Variants in SPTBN4 observed in about 807,000 individuals in gnomAD.
The protein encoded by SPTBN4 is spectrin beta chain, non-erythrocytic 4.
SPTBN4 carries 96 observed loss-of-function variants against 277.8 expected under a neutral mutation model. That is an observed-to-expected ratio of 0.35 (90% CI 0.29 to 0.41). The LOEUF (loss-of-function observed/expected upper bound fraction) is 0.41, where lower values mean the gene tolerates loss of function less well. Ranked by LOEUF, SPTBN4 falls within the 10% of genes least tolerant of loss-of-function variation. The probability of loss-of-function intolerance (pLI) is 1.00; values close to 1 mark genes in which losing one functional copy is unlikely to be tolerated. For missense variants in SPTBN4, 3,006 were observed against 3,595.7 expected (o/e 0.84, Z 4.19); for synonymous variants, 1,481 against 1,580.3 (o/e 0.94, Z 1.49).
At chr19:40,559,842 G>C (rs1471379054) in intron 26 of SPTBN4, among the ~76,000 whole-genome samples, 2 of 152,328 alleles carry the variant, frequency 1.3e-5, no homozygotes. Context: ...CATCAAAGTG[G>C]AAAGGGGTTT....
chr19:40,571,702 T>G, intron 33 of SPTBN4: 6 of 240,292 alleles, frequency 2.5e-5, no homozygotes, highest in East Asian at 8.0e-5. Context: ...GAAAGCTCCA[T>G]GAGTGGGGAG....
chr19:40,528,866 CCTT>C (rs2080626565), intron 17 of SPTBN4, among the ~76,000 whole-genome samples, 172 bp from the exon 18 acceptor site: 1 of 151,954 alleles, frequency 6.6e-6, no homozygotes, highest in South Asian at 2.1e-4. Context: ...CTCTCTCTGC[CCTT>C]CTTCAGCCCC....
chr19:40,567,748 CG>C lies in SPTBN4; in HGVS notation c.6424del (p.Ala2142ProfsTer302). 1 of 1,546,020 alleles carries C rather than the reference CG, an allele frequency of 6.5e-7. No individual in the cohort carries two copies. The highest frequency in any genetic ancestry group is 8.7e-7 in the Non-Finnish European group (1 of 1,146,644). On this transcript the variant is annotated frameshift_variant, in exon 31 of 36. Coordinates refer to ENST00000598249, the MANE Select transcript of SPTBN4 (RefSeq NM_020971.3). LOFTEE classifies it high-confidence loss of function. The stretch of plus-strand genomic sequence containing the variant: ...TTCTTTGGGGACCCCACGGAACTGG[CG>C]GCCAAGGCGGCGCCCCTGCTGCGGC... ...RKFFGDPTEL[A>X]AKAAPLLRPG...
Position 40,549,428 on chromosome 19 carries a change from G to A in SPTBN4, c.4584+15G>A. On this transcript the variant is annotated intron_variant, in intron 21 of 35. Transcript: ENST00000598249. The stretch of plus-strand genomic sequence containing the variant: ...ACGACGAGCTGGTGAGGCCAGCGCA[G>A]GGGCCTGGGGCGGGGCGGGGCGGGG... 7.2e-7 allele frequency: 1 copy of A among 1,397,218 alleles called. No individual in the cohort carries two copies. Among genetic ancestry groups the A allele is most frequent in the Non-Finnish European group, 9.3e-7 (1 of 1,076,476 alleles). 86.6% of individuals were successfully genotyped at this position (1,397,218 alleles called of 1,614,324 possible).
At position 40,490,315 on chromosome 19, in the gene SPTBN4, A is replaced by G; in HGVS notation, c.495+67A>G. On this transcript the variant is annotated intron_variant, in intron 4 of 35. Transcript: ENST00000598249. This position sits in a 1 kb window ranked among gnomAD's most constrained non-coding sequence, Gnocchi z 4.3. ...CTTAGGAAAGCGTTCCCCACCATTT[A>G]CCCATTCATTCTTTCCTTCCAATAA... 2 of 1,524,870 alleles carry G rather than the reference A, an allele frequency of 1.3e-6. No individual in the cohort carries two copies. Among genetic ancestry groups the G allele is most frequent in the South Asian group, 2.5e-5 (2 of 79,958 alleles). 94.5% of individuals were successfully genotyped at this position (1,524,870 alleles called of 1,614,324 possible).
intron 17 of SPTBN4, among the ~76,000 whole-genome samples, chr19:40,528,091 C>G (rs1309832425): frequency 3.3e-5 from 5 of 149,536 alleles, no homozygotes; most frequent in Admixed American, 3.3e-4. Context: ...TCTAAGGACT[C>G]TCATGGAGAC....
chr19:40,476,876 C>T (rs906938679), intron 2 of SPTBN4, among the ~76,000 whole-genome samples: 9 of 151,578 alleles, frequency 5.9e-5, no homozygotes, highest in Admixed American at 2.0e-4. Flanking sequence ...CATGAGCCAC[C>T]GCGCCCGTCC....
chr19:40,493,836 G>T (rs1171426571), intron 5 of SPTBN4, among the ~76,000 whole-genome samples: 1 of 152,178 alleles, frequency 6.6e-6, no homozygotes, highest in African/African-American at 2.4e-5. Context: ...TCCCCAGCCT[G>T]CTCTCTTCTC....
chr19:40,482,155 T>C (rs1307642547), intron 2 of SPTBN4, among the ~76,000 whole-genome samples: 1 of 151,964 alleles, frequency 6.6e-6, no homozygotes. Flanking sequence ...CAGGCTGGTC[T>C]CGAACTCCTG....
At chr19:40,479,020 C>T (rs947379206) in intron 2 of SPTBN4, among the ~76,000 whole-genome samples, 1 of 152,190 alleles carries the variant, frequency 6.6e-6, no homozygotes, top group East Asian at 1.9e-4. Flanking sequence ...AACCACCTTG[C>T]CACTCAAAGT....
At chr19:40,487,044 T>C (rs557229817) in intron 2 of SPTBN4, among the ~76,000 whole-genome samples, 2,448 of 147,960 alleles carry the variant, frequency 0.017, 75 homozygotes, top group African/African-American at 0.059. Flanking sequence ...TGGACTCTCT[T>C]TTTTTTTTTT....
chr19:40,483,934 T>G (rs1392535960), intron 2 of SPTBN4, among the ~76,000 whole-genome samples: 2 of 152,174 alleles, frequency 1.3e-5, no homozygotes, highest in African/African-American at 4.8e-5. Flanking sequence ...TTTGGCTTTC[T>G]TCAGTGGATT....
At position 40,560,486 on chromosome 19, in the gene SPTBN4, T is replaced by A; in HGVS notation, c.5915+83T>A. 6.2e-7 allele frequency: 1 copy of A among 1,603,282 alleles called. No individual in the cohort carries two copies. Among genetic ancestry groups the A allele is most frequent in the Non-Finnish European group, 8.5e-7 (1 of 1,173,726 alleles). On this transcript the variant is annotated intron_variant, in intron 27 of 35. Transcript: ENST00000598249. The surrounding 1 kb of genome is among the most constrained non-coding windows in gnomAD (Gnocchi z 5.2). ...CCCCAGCCCATTGACAGCCCCCTTC[T>A]CAATGGAATGACAACAGCCAATATC...
rs376365506 is a variant in SPTBN4, at chr19:40,570,702, C to T, written c.7293C>T (p.Leu2431=). The change falls in exon 33 of 36, where the codon CTC becomes CTT. Residue 2431 remains leucine, a synonymous_variant. Coordinates refer to ENST00000598249, the MANE Select transcript of SPTBN4 (RefSeq NM_020971.3). Reference sequence around the variant, plus strand: ...GCTTCCTACTGCGCAAGCGCGAGCTCGACGCTAACCGCAAGTCGTCCAACC... The same window carrying T: ...GCTTCCTACTGCGCAAGCGCGAGCTTGACGCTAACCGCAAGTCGTCCAACC... ...HEGFLLRKRE[L]DANRKSSNRS... is the part of the protein sequence containing the mutation. 48 of 1,608,198 alleles carry T rather than the reference C, an allele frequency of 3.0e-5. No homozygotes were observed. Among genetic ancestry groups the T allele is most frequent in the Non-Finnish European group, 3.7e-5 (44 of 1,178,070 alleles).
chr19:40,536,714 G>A (rs534350773), intron 20 of SPTBN4, among the ~76,000 whole-genome samples: 7 of 152,296 alleles, frequency 4.6e-5, no homozygotes, highest in South Asian at 4.1e-4. Flanking sequence ...TTGGGAGGCC[G>A]AGGCAGGAGG....
chr19:40,568,093 A>C lies in SPTBN4; in HGVS notation c.6767A>C (p.Asp2256Ala). ...RRRPERQESV[D>A]QSEEAARRRR... Reference sequence around the variant, plus strand: ...CGGCCTGAGCGGCAAGAGTCAGTCGATCAATCCGAGGAGGCTGCGCGGAGG... The same window carrying C: ...CGGCCTGAGCGGCAAGAGTCAGTCGCTCAATCCGAGGAGGCTGCGCGGAGG... Residue 2256 changes from aspartate to alanine, a missense_variant, in exon 31 of 36, where the codon GAT (aspartate) becomes GCT (alanine). Asp to Ala is a moderately radical substitution (Grantham distance 126). Coordinates refer to ENST00000598249, the MANE Select transcript of SPTBN4 (RefSeq NM_020971.3). The C allele has an allele frequency of 1.3e-6, 2 of 1,566,290 alleles. No individual in the cohort carries two copies. Among genetic ancestry groups the C allele is most frequent in the Non-Finnish European group, 1.7e-6 (2 of 1,155,902 alleles).
At position 40,467,206 on chromosome 19, in the gene SPTBN4, C is replaced by G. The variant is rs1299589629; in HGVS notation, c.-115C>G. 2 of 150,062 alleles carry G rather than the reference C, an allele frequency of 1.3e-5. No homozygotes were observed. The highest frequency in any genetic ancestry group is 3.6e-4 in the South Asian group (2 of 5,632). 9.3% of individuals were successfully genotyped at this position (150,062 alleles called of 1,614,324 possible). On this transcript the variant is annotated 5_prime_UTR_variant, in exon 1 of 36. Transcript: ENST00000598249. ...GCCGGCGGGGCCGAGCTGAGCCGGGCTGGGCCGGGCCGGGCCGGGCCGGGC... is the reference window on the plus strand; with the variant it reads ...GCCGGCGGGGCCGAGCTGAGCCGGGGTGGGCCGGGCCGGGCCGGGCCGGGC...
rs1395150457 is a variant in SPTBN4, at chr19:40,575,811, T to C, written c.*242T>C. 1 of 386,084 alleles carries C rather than the reference T, an allele frequency of 2.6e-6. No individual in the cohort carries two copies. The highest frequency in any genetic ancestry group is 4.6e-6 in the Non-Finnish European group (1 of 217,212). 23.9% of individuals were successfully genotyped at this position (386,084 alleles called of 1,614,324 possible). On this transcript the variant is annotated 3_prime_UTR_variant, in exon 36 of 36. Coordinates refer to ENST00000598249, the MANE Select transcript of SPTBN4 (RefSeq NM_020971.3). ...CCACCCCCACCCCAGGTGCTGGGGGTCCCTTATTTTTATGCAATAACTGAG... is the reference window on the plus strand; with the variant it reads ...CCACCCCCACCCCAGGTGCTGGGGGCCCCTTATTTTTATGCAATAACTGAG...
At chr19:40,523,977 A>T (rs2080559755) in intron 17 of SPTBN4, among the ~76,000 whole-genome samples, 1 of 152,012 alleles carries the variant, frequency 6.6e-6, no homozygotes, top group East Asian at 1.9e-4. Flanking sequence ...TAATTTTTGT[A>T]TTTTTAGTAG....
Sources: allele counts gnomAD v4.1 joint callset (sites outside exome capture counted in the v4.1 genomes callset), GRCh38; gene constraint gnomAD v4.1.1; non-coding constraint Gnocchi (gnomAD v3.1); transcripts MANE v1.5; gene names NCBI Gene and HGNC (gene_info 2026-07-23, HGNC 2026-07-21).